DLG2: variants seen among roughly 807,000 people sequenced by gnomAD.
The protein encoded by DLG2 is disks large homolog 2.
Under a neutral mutation model 132.5 loss-of-function variants are expected in DLG2, and 45 were observed. The ratio of observed to expected loss-of-function variants is 0.34; its 90% CI spans 0.27 to 0.44. The LOEUF is 0.44. Ranked by LOEUF, DLG2 falls within the 20% of genes least tolerant of loss-of-function variation. The pLI, the probability that DLG2 is intolerant of heterozygous loss-of-function variation, is 1.00. For synonymous variants in DLG2, 424 were observed against 419.6 expected (o/e 1.01, Z -0.13); for missense variants, 1,045 against 1,196.9 (o/e 0.87, Z 1.87).
intron 5 of DLG2, among the ~76,000 whole-genome samples, chr11:85,132,609 A>AC (rs1262348982): frequency 2.6e-5 from 4 of 152,052 alleles, no homozygotes; most frequent in East Asian, 3.9e-4. Context: ...TAAAGACAGG[A>AC]CCCCCCAGAC....
chr11:84,211,195 G>A (rs1264046240), intron 8 of DLG2, among the ~76,000 whole-genome samples: 2 of 152,114 alleles, frequency 1.3e-5, no homozygotes, highest in Non-Finnish European at 2.9e-5. Flanking sequence ...TTGCAATTAA[G>A]CCCTCTCATA....
chr11:83,661,409 T>C (rs1172599924), intron 18 of DLG2, among the ~76,000 whole-genome samples: 2 of 152,124 alleles, frequency 1.3e-5, no homozygotes, highest in Admixed American at 6.5e-5. Context: ...AAAAAATAAA[T>C]TGAAATAACA....
chr11:83,529,176 A>G (rs988586452), intron 21 of DLG2, among the ~76,000 whole-genome samples: 15 of 152,218 alleles, frequency 9.9e-5, no homozygotes, highest in Middle Eastern at 3.4e-3. Context: ...TTCTCATTCC[A>G]GACAATTTTC....
chr11:84,835,582 G>A (rs149862155), intron 6 of DLG2, among the ~76,000 whole-genome samples: 20 of 151,682 alleles, frequency 1.3e-4, no homozygotes, highest in African/African-American at 3.6e-4. Context: ...ATGACTTTCC[G>A]CACTAAATCT....
intron 17 of DLG2, among the ~76,000 whole-genome samples, chr11:83,806,505 T>C (rs890010849): frequency 6.6e-6 from 1 of 152,208 alleles, no homozygotes; most frequent in Non-Finnish European, 1.5e-5. Context: ...CCTCCATATA[T>C]AGTCATTGTT....
At chr11:84,248,329 TC>T (rs1422441771) in intron 8 of DLG2, among the ~76,000 whole-genome samples, 1 of 151,786 alleles carries the variant, frequency 6.6e-6, no homozygotes, top group Non-Finnish European at 1.5e-5. Flanking sequence ...ATTTTTTTTT[TC>T]AAAAAAATGA....
intron 18 of DLG2, among the ~76,000 whole-genome samples, chr11:83,752,697 G>T (rs111985175): frequency 3.3e-5 from 5 of 152,004 alleles, no homozygotes; most frequent in African/African-American, 1.2e-4. Context: ...GGGAGAAATA[G>T]CAGTGTGAGT....
Position 83,457,658 on chromosome 11 carries a change from C to G in DLG2, c.*2160G>C, listed in dbSNP as rs1019211759. ...ATGGTTGCATGCTCAGTTGAGAAAC[C>G]AAAGAAGTTATCGTGGTGGCCTAAA... On this transcript the variant is annotated 3_prime_UTR_variant, in exon 28 of 28. Transcript: ENST00000376104. The G allele has an allele frequency of 2.0e-5, 3 of 152,258 alleles. No homozygotes were observed. The highest frequency in any genetic ancestry group is 7.2e-5 in the African/African-American group (3 of 41,390). 9.4% of individuals were successfully genotyped at this position (152,258 alleles called of 1,614,324 possible).
chr11:83,681,514 T>A (rs937922531), intron 18 of DLG2, among the ~76,000 whole-genome samples: 2 of 152,188 alleles, frequency 1.3e-5, no homozygotes, highest in Admixed American at 1.3e-4. Context: ...GCTCTTTCCA[T>A]AACGATCTAG....
chr11:84,230,308 A>G (rs1597955838), intron 8 of DLG2, among the ~76,000 whole-genome samples: 2 of 152,154 alleles, frequency 1.3e-5, no homozygotes, highest in African/African-American at 4.8e-5. Flanking sequence ...TCTCACAACT[A>G]TAATTATCTG....
At chr11:84,804,517 C>T (rs910795203) in intron 6 of DLG2, among the ~76,000 whole-genome samples, 1 of 152,114 alleles carries the variant, frequency 6.6e-6, no homozygotes, top group Non-Finnish European at 1.5e-5. Flanking sequence ...GCAGTTAAAA[C>T]AACTAGTGAC....
intron 6 of DLG2, among the ~76,000 whole-genome samples, chr11:84,586,604 T>C (rs563545049): frequency 1.3e-5 from 2 of 152,304 alleles, no homozygotes; most frequent in African/African-American, 4.8e-5. Flanking sequence ...AATCTATTTA[T>C]ATTTGTATGA....
chr11:84,752,060 C>T (rs1481043730), intron 6 of DLG2, among the ~76,000 whole-genome samples: 2 of 152,150 alleles, frequency 1.3e-5, no homozygotes, highest in African/African-American at 4.8e-5. Context: ...TATTCAAAAA[C>T]TCAAATCTTC....
chr11:84,900,004 G>T (rs927733097), intron 6 of DLG2, among the ~76,000 whole-genome samples: 12 of 151,888 alleles, frequency 7.9e-5, no homozygotes, highest in Admixed American at 1.3e-4. Context: ...TAATTCCTTG[G>T]GAATTATTTC....
chr11:85,341,737 G>A (rs2082518014), intron 3 of DLG2, among the ~76,000 whole-genome samples: 1 of 152,056 alleles, frequency 6.6e-6, no homozygotes, highest in Non-Finnish European at 1.5e-5. Context: ...GTGTCATTAG[G>A]TGATTTCATC....
chr11:84,022,867 G>C (rs1288488994), intron 11 of DLG2, among the ~76,000 whole-genome samples: 3 of 152,046 alleles, frequency 2.0e-5, no homozygotes. Flanking sequence ...ATTCCTCAAG[G>C]AGCAATAAAT....
chr11:84,693,391 T>G (rs2058261984), intron 6 of DLG2, among the ~76,000 whole-genome samples: 1 of 151,738 alleles, frequency 6.6e-6, no homozygotes, highest in Non-Finnish European at 1.5e-5. Flanking sequence ...AGTGTTGTCA[T>G]GTAATGACAT....
intron 7 of DLG2, among the ~76,000 whole-genome samples, chr11:84,343,690 C>A (rs1016068655): frequency 6.6e-6 from 1 of 151,900 alleles, no homozygotes; most frequent in Non-Finnish European, 1.5e-5. Context: ...ATTTCCAGGG[C>A]GATTGGTACA....
intron 6 of DLG2, among the ~76,000 whole-genome samples, chr11:84,745,656 G>A (rs2065268160): frequency 6.6e-6 from 1 of 152,090 alleles, no homozygotes; most frequent in Admixed American, 6.5e-5. Flanking sequence ...TCCTCTATAA[G>A]CAATTATAAA....
Sources: allele counts gnomAD v4.1 joint callset (sites outside exome capture counted in the v4.1 genomes callset), GRCh38; gene constraint gnomAD v4.1.1; transcripts MANE v1.5; gene names NCBI Gene and HGNC (gene_info 2026-07-23, HGNC 2026-07-21).